The following SYNE1 variants were observed in gnomAD, a reference collection of about 807,000 sequenced individuals.
SYNE1 encodes the protein spectrin repeat containing nuclear envelope protein 1.
SYNE1 carries 616 observed loss-of-function variants against 1,111.0 expected under a neutral mutation model. The ratio of observed to expected loss-of-function variants is 0.55; its 90% CI spans 0.52 to 0.59. The LOEUF (loss-of-function observed/expected upper bound fraction) is 0.59. Among genes scored for constraint, SYNE1 ranks in the 20% least tolerant of loss-of-function variants. The pLI is 0.00. For synonymous variants in SYNE1, 3,855 were observed against 3,825.8 expected, an observed-to-expected ratio of 1.01 and a Z score of -0.28; for missense variants, 10,006 against 10,417.0, an observed-to-expected ratio of 0.96 and a Z score of 1.72.
intron 3 of SYNE1, among the ~76,000 whole-genome samples, chr6:152,563,786 T>A (rs113068719): frequency 0.03 from 4,497 of 152,284 alleles, 216 homozygotes; most frequent in African/African-American, 0.1. Context: ...TTTAATTTCT[T>A]GTATTTTTAC....
In SYNE1 at chr6:152,453,618, C is replaced by T. The variant is rs148346599; in HGVS notation, c.2995G>A (p.Glu999Lys). 4,155 of 1,614,220 alleles carry T rather than the reference C, an allele frequency of 2.6e-3. 31 individuals are homozygous for T. Among genetic ancestry groups the T allele is most frequent in the South Asian group, 3.8e-3 (349 of 91,086 alleles). ...LPEQEQQGLQ[E>K]AVRKLHKQWK... ...TGTTTGTGGAGCTTTCGAACAGCTTCCTGCAGCCCCTGCTGCTCCTGCTCT... is the reference window on the plus strand; with the variant it reads ...TGTTTGTGGAGCTTTCGAACAGCTTTCTGCAGCCCCTGCTGCTCCTGCTCT... The change falls in exon 25 of 146, where the codon GAA (glutamate) becomes AAA (lysine). Residue 999 changes from glutamate (E) to lysine (K), a missense_variant. This residue lies in a region of SYNE1 where 1,971 missense variants were observed against 2,084.1 expected (regional missense o/e 0.95). Transcript: ENST00000367255.
chr6:152,217,311 G>A (rs2078983204), intron 121 of SYNE1, among the ~76,000 whole-genome samples: 1 of 149,426 alleles, frequency 6.7e-6, no homozygotes, highest in Admixed American at 6.7e-5. Flanking sequence ...CAAGAGAATG[G>A]CGTGAACCTG....
intron 4 of SYNE1, among the ~76,000 whole-genome samples, chr6:152,536,630 C>A (rs1283382906): frequency 6.6e-6 from 1 of 151,288 alleles, no homozygotes; most frequent in Non-Finnish European, 1.5e-5. Context: ...CAACTAATTT[C>A]TCCTTCTAAA....
In SYNE1 at chr6:152,613,931, A is replaced by G. The variant is rs1288500704; in HGVS notation, c.67+14334T>C. 5.3e-5 allele frequency among the ~76,000 whole-genome samples: 8 copies of G among 152,370 alleles called. No individual in the cohort carries two copies. The South Asian group carries it at 1.0e-3, about 20-fold the overall frequency. On this transcript the variant is annotated intron_variant, in intron 3 of 145. Transcript: ENST00000367255. ...ATGGTGCTGGGAAAACTGGCTAGCC[A>G]TAGATAGAAAGCTGAAACTGGATCC...
At chr6:152,293,888 T>C (rs765149061) in intron 94 of SYNE1, 72 bp downstream of exon 94, 25 of 1,610,622 alleles carry the variant, frequency 1.6e-5, no homozygotes, top group Middle Eastern at 1.8e-4. Flanking sequence ...ACTCTCTGCA[T>C]GTATTTCATA....
At chr6:152,231,780 G>A (rs1373225521) in intron 113 of SYNE1, among the ~76,000 whole-genome samples, 1 of 78,290 alleles carries the variant, frequency 1.3e-5, no homozygotes, top group African/African-American at 7.1e-5. Flanking sequence ...AGATATACGT[G>A]TGTATGTGTG....
At chr6:152,566,348 G>GC (rs11376864) in intron 3 of SYNE1, among the ~76,000 whole-genome samples, 25,487 of 151,808 alleles carry the variant, frequency 0.17, 2,322 homozygotes, top group Admixed American at 0.24. Context: ...TTTTCGTTTT[G>GC]CAGTGTCAAG....
intron 91 of SYNE1, 89 bp from the exon 92 acceptor site, chr6:152,302,152 A>C: frequency 6.4e-7 from 1 of 1,573,440 alleles, no homozygotes; most frequent in Non-Finnish European, 8.7e-7. Context: ...GGGCGAGCCA[A>C]TGAGCGCGCA....
chr6:152,323,388 G>A (rs1005848341), intron 82 of SYNE1, 90 bp downstream of exon 82: 10 of 1,569,706 alleles, frequency 6.4e-6, no homozygotes, highest in Admixed American at 1.7e-5. Flanking sequence ...GCAGTGAGCC[G>A]AGATCACACA....
At chr6:152,155,309 C>T (rs1221478240) in intron 132 of SYNE1, 7 of 442,938 alleles carry the variant, frequency 1.6e-5, no homozygotes, top group South Asian at 6.7e-5. Context: ...GCACATCACA[C>T]GAGCTGCCTT....
chr6:152,180,176 C>A lies in SYNE1; in HGVS notation c.23420G>T (p.Gly7807Val), dbSNP rs200475741. The part of the protein sequence containing the change: ...TQMESKVSQN[G>V]DILIEEMIEK... ...TATCATTTCTTCAATGAGAATGTCTCCATTCTGAGAAACTTTGCTTTCCAT... is the reference window on the plus strand; with the variant it reads ...TATCATTTCTTCAATGAGAATGTCTACATTCTGAGAAACTTTGCTTTCCAT... Residue 7807 changes from glycine (G) to valine (V), a missense_variant, in exon 129 of 146, where the codon GGA becomes GTA. Gly to Val is a moderately radical substitution (Grantham distance 109, BLOSUM62 -3). Coordinates refer to ENST00000367255, the MANE Select transcript of SYNE1 (RefSeq NM_182961.4). 6 of 1,614,080 alleles carry A rather than the reference C, an allele frequency of 3.7e-6. No homozygotes were observed. In the East Asian group the frequency reaches 1.3e-4, roughly 36 times the overall value.
At chr6:152,474,107 C>G (rs1017207980) in intron 14 of SYNE1, among the ~76,000 whole-genome samples, 1 of 151,928 alleles carries the variant, frequency 6.6e-6, no homozygotes, top group African/African-American at 2.4e-5. Flanking sequence ...ATCACTTGAA[C>G]CCAGGAGGTG....
At chr6:152,444,273 C>G (rs989041924) in intron 30 of SYNE1, 138 bp downstream of exon 30, 1 of 908,940 alleles carries the variant, frequency 1.1e-6, no homozygotes, top group African/African-American at 1.7e-5. Flanking sequence ...GCGCCAAATT[C>G]TTTTAGCCAT....
At chr6:152,194,073 T>C (rs912402950) in intron 127 of SYNE1, among the ~76,000 whole-genome samples, 3 of 152,280 alleles carry the variant, frequency 2.0e-5, no homozygotes, top group Non-Finnish European at 4.4e-5. Flanking sequence ...ATTCTATGTT[T>C]TTCTGTGTAT....
At chr6:152,472,190 A>T (rs1407601323) in intron 15 of SYNE1, 111 bp downstream of exon 15, 4 of 890,258 alleles carry the variant, frequency 4.5e-6, no homozygotes, top group Non-Finnish European at 7.0e-6. Context: ...TCTATTTACC[A>T]AAGGTAGGCG....
chr6:152,434,387 T>C (rs1371567667), intron 33 of SYNE1: 1 of 166,916 alleles, frequency 6.0e-6, no homozygotes, highest in Non-Finnish European at 1.3e-5. Context: ...TGATGCTTTC[T>C]ATAGAAATAC....
intron 80 of SYNE1, 102 bp from the exon 81 acceptor site, chr6:152,325,404 AG>A: frequency 8.8e-7 from 1 of 1,134,806 alleles, no homozygotes; most frequent in Non-Finnish European, 1.3e-6. Flanking sequence ...TTCCTGCAAA[AG>A]GAAATGTTTC....
At chr6:152,306,612 A>T (rs911153386) in intron 91 of SYNE1, among the ~76,000 whole-genome samples, 3 of 151,824 alleles carry the variant, frequency 2.0e-5, no homozygotes, top group Admixed American at 6.6e-5. Flanking sequence ...ATGGTGACTC[A>T]TATCTTTTAT....
At chr6:152,346,673 G>A (rs1461114421) in intron 73 of SYNE1, among the ~76,000 whole-genome samples, 3 of 151,952 alleles carry the variant, frequency 2.0e-5, no homozygotes, top group Admixed American at 6.6e-5. Context: ...AGCCAGGCGT[G>A]GTGGCGGGCG....
Sources: gnomAD v4.1 joint callset for allele counts (sites outside exome capture counted in the v4.1 genomes callset) on GRCh38, gnomAD v4.1.1 for gene constraint, gnomAD v4.1.1 regional missense constraint, MANE v1.5 for transcripts, NCBI Gene and HGNC (gene_info 2026-07-23, HGNC 2026-07-21) for gene names.